Variants in TRDN observed in about 807,000 individuals in gnomAD.
The protein encoded by TRDN is triadin in skeletal muscle.
A neutral mutation model predicts 149.7 loss-of-function variants in TRDN; 161 were observed. The observed-to-expected ratio is 1.08, with a 90% CI of 0.95 to 1.23. The LOEUF is 1.23. TRDN is among the 50% of genes most tolerant of loss of function. The probability of loss-of-function intolerance (pLI) is 0.00; values close to 1 mark genes in which losing one functional copy is unlikely to be tolerated. For synonymous variants in TRDN, 294 were observed against 250.5 expected (o/e 1.17, Z -1.64); for missense variants, 896 against 823.5 (o/e 1.09, Z -1.08).
chr6:123,373,210 G>T (rs1032647319), intron 19 of TRDN, among the ~76,000 whole-genome samples: 2 of 152,108 alleles, frequency 1.3e-5, no homozygotes, highest in African/African-American at 4.8e-5. Context: ...ATTGAATCAT[G>T]GGGGCAAGTC....
At chr6:123,493,350 G>T (rs1339759136) in intron 9 of TRDN, among the ~76,000 whole-genome samples, 1 of 152,046 alleles carries the variant, frequency 6.6e-6, no homozygotes, top group Non-Finnish European at 1.5e-5. Flanking sequence ...CTAGGATAGT[G>T]CATATTCACC....
chr6:123,431,287 T>C (rs1247332080), intron 12 of TRDN, among the ~76,000 whole-genome samples: 1 of 152,170 alleles, frequency 6.6e-6, no homozygotes. Flanking sequence ...AGGTCTAATG[T>C]GTACTAGATT....
At chr6:123,622,117 A>G (rs546807868) in intron 1 of TRDN, among the ~76,000 whole-genome samples, 52 of 152,228 alleles carry the variant, frequency 3.4e-4, no homozygotes, top group Middle Eastern at 6.8e-3. Flanking sequence ...CCACTGGGAC[A>G]GCAAACCAAT....
chr6:123,339,303 C>A (rs1254650954), intron 21 of TRDN, among the ~76,000 whole-genome samples: 3 of 152,066 alleles, frequency 2.0e-5, no homozygotes, highest in Non-Finnish European at 4.4e-5. Context: ...CCATGCCCGG[C>A]CATGTATTAG....
intron 23 of TRDN, among the ~76,000 whole-genome samples, chr6:123,321,638 T>G (rs1582869368): frequency 6.6e-6 from 1 of 151,960 alleles, no homozygotes; most frequent in Non-Finnish European, 1.5e-5. Context: ...ACACACACAC[T>G]CACACTCTTC....
chr6:123,351,097 T>C, intron 21 of TRDN: 1 of 985,054 alleles, frequency 1.0e-6, no homozygotes, highest in Non-Finnish European at 1.2e-6. Context: ...GAAAACAACC[T>C]ATGAATATCA....
At chr6:123,480,065 G>A (rs1001353734) in intron 9 of TRDN, among the ~76,000 whole-genome samples, 2 of 151,882 alleles carry the variant, frequency 1.3e-5, no homozygotes, top group Admixed American at 6.6e-5. Flanking sequence ...AAATAGAGAT[G>A]CCTATTCTCT....
At chr6:123,236,952 T>C (rs1191842880) in intron 38 of TRDN, among the ~76,000 whole-genome samples, 1 of 152,024 alleles carries the variant, frequency 6.6e-6, no homozygotes, top group Admixed American at 6.5e-5. Context: ...CTGTCTGAGA[T>C]TTTGATTGTA....
chr6:123,595,756 C>T (rs1020476677), intron 1 of TRDN, among the ~76,000 whole-genome samples: 1 of 152,006 alleles, frequency 6.6e-6, no homozygotes, highest in Non-Finnish European at 1.5e-5. Context: ...TTTGTTTGCA[C>T]CCATTAATTG....
Position 123,221,502 on chromosome 6 carries a change from G to A in TRDN, c.2035C>T (p.Pro679Ser). ...ATAAACTTACTTTTCTGCTTTGTGG[G>A]AGACACATCTTCAGTTCCTTCTAGT... ...KAKEGTEDVSPTKQKSPISFF... is the reference protein window; with the variant it reads ...KAKEGTEDVSSTKQKSPISFF... Residue 679 changes from proline to serine, a missense_variant, in exon 40 of 41, where the codon CCC (proline) becomes TCC (serine). Coordinates refer to ENST00000334268, the MANE Select transcript of TRDN (RefSeq NM_006073.4). 6.4e-7 allele frequency: 1 copy of A among 1,570,130 alleles called. No homozygotes were observed. Among genetic ancestry groups the A allele is most frequent in the South Asian group, 1.1e-5 (1 of 88,408 alleles).
At chr6:123,323,060 C>A (rs903390861) in intron 23 of TRDN, among the ~76,000 whole-genome samples, 1 of 151,936 alleles carries the variant, frequency 6.6e-6, no homozygotes, top group African/African-American at 2.4e-5. Flanking sequence ...AAAATTGTTA[C>A]GGATATATAA....
At chr6:123,366,080 A>G in intron 20 of TRDN, 55 bp downstream of exon 20, 1 of 1,480,352 alleles carries the variant, frequency 6.8e-7, no homozygotes, top group East Asian at 2.3e-5. Flanking sequence ...ATTGTTAGAA[A>G]CCTTAGCAGA....
At chr6:123,457,663 A>T in intron 10 of TRDN, 1 of 404,658 alleles carries the variant, frequency 2.5e-6, no homozygotes, top group Non-Finnish European at 4.8e-6. Flanking sequence ...CATGACACTA[A>T]GCTGAATTAT....
At chr6:123,358,780 G>A (rs1401696400) in intron 20 of TRDN, among the ~76,000 whole-genome samples, 3 of 152,138 alleles carry the variant, frequency 2.0e-5, no homozygotes, top group Admixed American at 6.6e-5. Flanking sequence ...ACCGCGCCCA[G>A]CCTAGTAGGT....
At chr6:123,254,965 G>C (rs1319296299) in intron 37 of TRDN, 116 bp downstream of exon 37, 1 of 650,084 alleles carries the variant, frequency 1.5e-6, no homozygotes. Flanking sequence ...CTGCTATTAA[G>C]AGAAGTTTGC....
At chr6:123,595,698 A>G (rs1305828946) in intron 1 of TRDN, among the ~76,000 whole-genome samples, 1 of 152,056 alleles carries the variant, frequency 6.6e-6, no homozygotes, top group Non-Finnish European at 1.5e-5. Context: ...TTATTATTAC[A>G]TCTGTTACAG....
chr6:123,377,760 GAAA>G lies in TRDN; in HGVS notation c.1220-21_1220-19del, dbSNP rs750105897. ...TGACTTTGCTGTATCAAAAAGGAAA[GAAA>G]AAAAAATCAGCATTCTATGTCATTC... On this transcript the variant is annotated intron_variant, in intron 17 of 40. Transcript: ENST00000334268. The G allele has an allele frequency of 6.2e-7, 1 of 1,600,752 alleles. No homozygotes were observed. Among genetic ancestry groups the G allele is most frequent in the Non-Finnish European group, 8.5e-7 (1 of 1,173,960 alleles).
At chr6:123,610,425 TATGTGTTCATTC>T (rs1407363216) in intron 1 of TRDN, among the ~76,000 whole-genome samples, 1 of 152,186 alleles carries the variant, frequency 6.6e-6, no homozygotes, top group Non-Finnish European at 1.5e-5. Context: ...TCCATGTCGC[TATGTGTTCATTC>T]ACTCTGCAAT....
chr6:123,584,968 A>G (rs921444962), intron 1 of TRDN, among the ~76,000 whole-genome samples: 1 of 152,106 alleles, frequency 6.6e-6, no homozygotes. Flanking sequence ...ATAGGCTTTA[A>G]ATGGCCATGC....
Sources: allele counts gnomAD v4.1 joint callset (sites outside exome capture counted in the v4.1 genomes callset), GRCh38; gene constraint gnomAD v4.1.1; transcripts MANE v1.5; gene names NCBI Gene and HGNC (gene_info 2026-07-23, HGNC 2026-07-21).